Variants in CLEC20A observed in about 807,000 individuals in gnomAD.
CLEC20A encodes the protein C-type lectin domain containing 20A.
chr1:178,497,106 ATACT>A (rs1649415783), upstream of CLEC20A: 8 of 397,434 alleles, frequency 2.0e-5, no homozygotes, highest in East Asian at 2.9e-4. Flanking sequence ...TACTAAACAA[ATACT>A]TACCCAGTGT....
intron 1 of CLEC20A, among the ~76,000 whole-genome samples, chr1:178,495,385 TG>T (rs1649362954): frequency 6.6e-6 from 1 of 152,240 alleles, no homozygotes. Flanking sequence ...GGCAGGGCAC[TG>T]CCCCTCCATC....
chr1:178,485,841 T>C (rs768838089), intron 5 of CLEC20A, among the ~76,000 whole-genome samples: 1 of 152,214 alleles, frequency 6.6e-6, no homozygotes, highest in Non-Finnish European at 1.5e-5. Flanking sequence ...ATCTCAATAA[T>C]TCATAATTGT....
At chr1:178,486,403 G>A in intron 5 of CLEC20A, 1 of 398,730 alleles carries the variant, frequency 2.5e-6, no homozygotes, top group Non-Finnish European at 4.4e-6. Context: ...CTGGGGTGGA[G>A]GTCCTAATTT....
rs751059978 is a variant in CLEC20A, at chr1:178,496,306, A to G, written c.40+594T>C. The G allele has an allele frequency of 6.1e-4, 93 of 152,706 alleles. 1 individual carries two copies. The highest frequency in any genetic ancestry group is 1.6e-4 in the Non-Finnish European group (11 of 68,712). The allele number at this position is 152,706 out of a possible 1,614,324, so 9.5% of individuals were successfully genotyped here. ...GGCCCAAGACCCCTCTACCCTCGGC[A>G]GTCCCCACACGCCCCGACTCTGCAG... On this transcript the variant is annotated intron_variant, in intron 1 of 7. Transcript: ENST00000623247.
chr1:178,480,677 G>A (rs1042446608), intron 7 of CLEC20A: 1 of 152,280 alleles, frequency 6.6e-6, no homozygotes, highest in Non-Finnish European at 1.5e-5. Flanking sequence ...AGCTACTCGG[G>A]AGGCTGAGGC....
At chr1:178,494,329 G>A (rs1203690993) in intron 2 of CLEC20A, 125 bp downstream of exon 2, 6 of 397,524 alleles carry the variant, frequency 1.5e-5, no homozygotes, top group Non-Finnish European at 2.7e-5. Context: ...TGAGGCAGGA[G>A]AATCACCTGA....
At chr1:178,489,217 G>C (rs1041098085) in intron 4 of CLEC20A, among the ~76,000 whole-genome samples, 1 of 152,050 alleles carries the variant, frequency 6.6e-6, no homozygotes, top group East Asian at 1.9e-4. Context: ...ACAAAAATTA[G>C]TCAGGCGTGG....
At chr1:178,478,827 A>G (rs1205639045), downstream of CLEC20A, 2 of 152,228 alleles carry the variant, frequency 1.3e-5, no homozygotes, top group Non-Finnish European at 2.9e-5. Context: ...TACAAAGAAT[A>G]CAAATAAACT....
intron 7 of CLEC20A, chr1:178,482,087 AAAC>A: frequency 2.7e-6 from 1 of 368,196 alleles, no homozygotes; most frequent in Admixed American, 4.6e-5. Flanking sequence ...AAAAACAAAA[AAAC>A]AACAAAAAAA....
chr1:178,486,888 G>A (rs911366359), intron 5 of CLEC20A: 4 of 398,100 alleles, frequency 1.0e-5, no homozygotes, highest in African/African-American at 4.1e-5. Flanking sequence ...CCGAAGGGCC[G>A]GGTGTTACCG....
chr1:178,497,318 C>T (rs750453277), upstream of CLEC20A: 3 of 221,706 alleles, frequency 1.4e-5, no homozygotes, highest in East Asian at 9.1e-5. Context: ...AACCCCTTTT[C>T]GCCAAAGCCA....
chr1:178,486,131 T>C (rs563375427), intron 5 of CLEC20A, among the ~76,000 whole-genome samples: 119 of 152,298 alleles, frequency 7.8e-4, no homozygotes, highest in African/African-American at 2.8e-3. Context: ...AAATGGATTA[T>C]TTCTCCCCCA....
Position 178,488,594 on chromosome 1 carries a change from AG to A in CLEC20A, c.834del (p.Ser279ProfsTer21). 1 of 398,756 alleles carries A rather than the reference AG, an allele frequency of 2.5e-6. No homozygotes were observed. The highest frequency in any genetic ancestry group is 3.6e-5 in the East Asian group (1 of 28,070). The allele number at this position is 398,756 out of a possible 1,614,324, so 24.7% of individuals were successfully genotyped here. On this transcript the variant is annotated frameshift_variant, in exon 5 of 8. Transcript: ENST00000623247. LOFTEE classifies it high-confidence loss of function. The stretch of plus-strand genomic sequence containing the variant: ...TCTGCTGATGCCCGGTGTCCAGTGG[AG>A]GAGTCTGCAAGAAAACAGAGTGAGT...
chr1:178,489,646 A>T (rs1649228225), intron 4 of CLEC20A, among the ~76,000 whole-genome samples: 1 of 152,122 alleles, frequency 6.6e-6, no homozygotes, highest in Non-Finnish European at 1.5e-5. Context: ...TCACTTTCTC[A>T]TTCAGCTCTC....
chr1:178,486,495 A>C (rs1450524521), intron 5 of CLEC20A: 1 of 398,664 alleles, frequency 2.5e-6, no homozygotes, highest in African/African-American at 2.1e-5. Flanking sequence ...TCAGGGCTGC[A>C]GAGTCAGGGG....
chr1:178,489,582 CTCCCGT>C (rs1034797536), intron 4 of CLEC20A, among the ~76,000 whole-genome samples: 22 of 152,184 alleles, frequency 1.4e-4, no homozygotes, highest in African/African-American at 3.9e-4. Flanking sequence ...AGGACAATGG[CTCCCGT>C]CCACCGGGGC....
chr1:178,493,926 A>C (rs1415208044), intron 2 of CLEC20A, among the ~76,000 whole-genome samples: 2 of 152,208 alleles, frequency 1.3e-5, no homozygotes, highest in Non-Finnish European at 2.9e-5. Flanking sequence ...TTTGTATTCT[A>C]TCCTGACTTA....
At chr1:178,480,204 A>G (rs369514613) in intron 7 of CLEC20A, 1 of 152,118 alleles carries the variant, frequency 6.6e-6, no homozygotes, top group East Asian at 1.9e-4. Context: ...TAAAACTGAC[A>G]ATATATACTC....
intron 5 of CLEC20A, 155 bp from the exon 6 acceptor site, chr1:178,483,437 CT>C (rs1649044055): frequency 1.3e-5 from 5 of 393,550 alleles, no homozygotes; most frequent in Non-Finnish European, 1.3e-5. Flanking sequence ...AGCTCAATTC[CT>C]GCCAATCCCT....
Sources: allele counts gnomAD v4.1 joint callset (sites outside exome capture counted in the v4.1 genomes callset), GRCh38; gene constraint gnomAD v4.1.1; transcripts MANE v1.5; gene names NCBI Gene and HGNC (gene_info 2026-07-23, HGNC 2026-07-21).